Variants in NOS3 observed in about 807,000 individuals in gnomAD.
NOS3 encodes NOS type III.
In NOS3, 98 loss-of-function variants were observed where a neutral mutation model predicts 144.9. That is an observed-to-expected ratio of 0.68 (90% CI 0.57 to 0.80). NOS3 has a LOEUF of 0.80. Among genes scored for constraint, NOS3 ranks in the 30% least tolerant of loss-of-function variants. The pLI is 0.00. For synonymous variants in NOS3, 714 were observed against 702.4 expected, an observed-to-expected ratio of 1.02 and a Z score of -0.26; for missense variants, 1,465 against 1,656.4, an observed-to-expected ratio of 0.88 and a Z score of 2.01.
In NOS3 at chr7:151,003,090, A is replaced by G; in HGVS notation, c.1752+786A>G. 1 of 426,022 alleles carries G rather than the reference A, an allele frequency of 2.3e-6. No homozygotes were observed. Among genetic ancestry groups the G allele is most frequent in the Non-Finnish European group, 4.6e-6 (1 of 215,054 alleles). 26.4% of individuals were successfully genotyped at this position (426,022 alleles called of 1,614,324 possible). A position where few individuals can be genotyped will look rare whatever the true frequency, so the allele number is the denominator to read the frequency against. ...TACCTGCTCCAGCTTCTAGGTGTTA[A>G]AGGCCTTATTAGCACTAAGTACTTC... On this transcript the variant is annotated intron_variant, in intron 14 of 26. Coordinates refer to ENST00000297494, the MANE Select transcript of NOS3 (RefSeq NM_000603.5). This position sits in a 1 kb window ranked among gnomAD's most constrained non-coding sequence, Gnocchi z 4.1.
intron 2 of NOS3, among the ~76,000 whole-genome samples, chr7:150,994,841 A>T (rs915349680): frequency 6.6e-6 from 1 of 152,170 alleles, no homozygotes; most frequent in Non-Finnish European, 1.5e-5. Context: ...GAATCCCTGC[A>T]GGGCTTCCCT....
chr7:151,001,278 C>G lies in NOS3; in HGVS notation c.1281C>G (p.Phe427Leu). The G allele has an allele frequency of 6.2e-7, 1 of 1,613,856 alleles. No homozygotes were observed. The highest frequency in any genetic ancestry group is 1.3e-5 in the African/African-American group (1 of 75,048). The change falls in exon 11 of 27, where the codon TTC becomes TTG. Residue 427 changes from phenylalanine to leucine, a missense_variant. Coordinates refer to ENST00000297494, the MANE Select transcript of NOS3 (RefSeq NM_000603.5). ...ACCACCACGCCGCCACGGCCTCTTT[C>G]ATGAAGCACCTGGAGAATGAGCAGA... is the stretch of plus-strand genomic sequence containing the variant. ...IVDHHAATAS[F>L]MKHLENEQKA... is the part of the protein sequence containing the mutation.
rs777086988 is a variant in NOS3, at chr7:150,999,104, G to A, written c.956+19G>A. The A allele has an allele frequency of 1.2e-6, 2 of 1,612,626 alleles. No individual in the cohort carries two copies. Among genetic ancestry groups the A allele is most frequent in the East Asian group, 4.5e-5 (2 of 44,882 alleles). On this transcript the variant is annotated intron_variant, in intron 8 of 26. Transcript: ENST00000297494. Reference sequence around the variant, plus strand: ...ACCCCACGTGAGCACCAAAGGGATTGACTGGGTGGGATGGAGGGGGCCATC... The same window carrying A: ...ACCCCACGTGAGCACCAAAGGGATTAACTGGGTGGGATGGAGGGGGCCATC...
Position 151,001,906 on chromosome 7 carries a change from C to G in NOS3, c.1588C>G (p.Arg530Gly). The change falls in exon 13 of 27, where the codon CGG (arginine) becomes GGG (glycine). Residue 530 changes from arginine to glycine, a missense_variant. Arg to Gly is a moderately radical substitution (Grantham distance 125, BLOSUM62 -2). Around this residue, in one of 5 missense-constraint regions of NOS3, gnomAD observed 745 missense variants for 853.9 expected, o/e 0.87. Transcript: ENST00000297494. ...ATILYGSETG[R>G]AQSYAQQLGR... ...AATCCTGTATGGCTCCGAGACCGGC[C>G]GGGCCCAGAGCTACGCACAGCAGCT... 1 of 1,613,622 alleles carries G rather than the reference C, an allele frequency of 6.2e-7. No individual in the cohort carries two copies. Among genetic ancestry groups the G allele is most frequent in the Non-Finnish European group, 8.5e-7 (1 of 1,180,014 alleles).
Position 151,013,872 on chromosome 7 carries a change from GCGACA to G in NOS3, c.3405_3409del (p.Asp1136GlyfsTer159). The G allele has an allele frequency of 6.2e-7, 1 of 1,603,016 alleles. No homozygotes were observed. Among genetic ancestry groups the G allele is most frequent in the Non-Finnish European group, 8.5e-7 (1 of 1,175,308 alleles). On this transcript the variant is annotated frameshift_variant, in exon 26 of 27. Transcript: ENST00000297494. LOFTEE classifies it high-confidence loss of function. ...GTGCAGCGCATCCTGGCGACGGAGG[GCGACA>G]TGGAGCTGGACGAGGCCGGCGACGT...
Position 151,000,751 on chromosome 7 carries a change from G to C in NOS3, c.1233+152G>C, listed in dbSNP as rs539597585. On this transcript the variant is annotated intron_variant, in intron 10 of 26. Coordinates refer to ENST00000297494, the MANE Select transcript of NOS3 (RefSeq NM_000603.5). ...AGTCCCAGTGCCATGGCGCACACTGGCCTGCGGTTCGGGGACAGGGCAGGT... is the reference window on the plus strand; with the variant it reads ...AGTCCCAGTGCCATGGCGCACACTGCCCTGCGGTTCGGGGACAGGGCAGGT... 5.2e-5 allele frequency: 33 copies of C among 640,160 alleles called. No individual in the cohort carries two copies. In the African/African-American group the frequency reaches 5.2e-4, roughly 10 times the overall value. 39.7% of individuals were successfully genotyped at this position (640,160 alleles called of 1,614,324 possible).
chr7:150,992,644 C>T (rs1205436421), intron 1 of NOS3, among the ~76,000 whole-genome samples: 1 of 140,676 alleles, frequency 7.1e-6, no homozygotes, highest in Admixed American at 7.0e-5. Context: ...CCAACCTTAT[C>T]CTCCACTGCT....
Position 151,014,149 on chromosome 7 carries a change from T to C in NOS3, c.3592T>C (p.Ser1198Pro). 2 of 1,608,830 alleles carry C rather than the reference T, an allele frequency of 1.2e-6. No homozygotes were observed. The highest frequency in any genetic ancestry group is 1.7e-6 in the Non-Finnish European group (2 of 1,176,748). The change falls in exon 27 of 27, where the codon TCA (serine) becomes CCA (proline). Residue 1198 changes from serine (S) to proline (P), a missense_variant. Ser to Pro is a moderately conservative substitution (Grantham distance 74). Transcript: ENST00000297494. ...GCCCTGGGCGTTCGACCCTCCCGGC[T>C]CAGACACCAACAGCCCCTGAGAGCC... The part of the protein sequence containing the change: ...AVPWAFDPPG[S>P]DTNSP
intron 5 of NOS3, among the ~76,000 whole-genome samples, chr7:150,997,908 G>A (rs1802468737): frequency 6.6e-6 from 1 of 152,144 alleles, no homozygotes; most frequent in Non-Finnish European, 1.5e-5. Flanking sequence ...AGAATGTCAG[G>A]ATGAGCAGGG....
Position 150,998,828 on chromosome 7 carries a change from CA to C in NOS3, c.817-117del, listed in dbSNP as rs1461102152. The C allele has an allele frequency of 6.8e-7, 1 of 1,471,102 alleles. No homozygotes were observed. The highest frequency in any genetic ancestry group is 9.2e-7 in the Non-Finnish European group (1 of 1,090,896). The allele number at this position is 1,471,102 out of a possible 1,614,324, so 91.1% of individuals were successfully genotyped here. On this transcript the variant is annotated intron_variant, in intron 7 of 26. Coordinates refer to ENST00000297494, the MANE Select transcript of NOS3 (RefSeq NM_000603.5). This position sits in a 1 kb window ranked among gnomAD's most constrained non-coding sequence, Gnocchi z 5.0. ...ACCAAAGGAGGGGTGCCTGGGTGGT[CA>C]CGGAGACCCAGCCAATGAGGGACCC...
At chr7:150,995,469 G>A (rs1802357394) in intron 3 of NOS3, among the ~76,000 whole-genome samples, 155 bp downstream of exon 3, 2 of 150,062 alleles carry the variant, frequency 1.3e-5, no homozygotes, top group African/African-American at 4.9e-5. Context: ...AGGAGTTGAG[G>A]GACATGCACG....
intron 23 of NOS3, 28 bp downstream of exon 23, chr7:151,011,014 A>G (rs1020818320): frequency 2.6e-6 from 4 of 1,558,272 alleles, no homozygotes; most frequent in African/African-American, 1.4e-5. Context: ...CTTGGTGGGG[A>G]GCTGCCCAGG....
At position 151,001,413 on chromosome 7, in the gene NOS3, C is replaced by T; in HGVS notation, c.1416C>T (p.Ala472=). Residue 472 remains alanine, a synonymous_variant, in exon 11 of 27, where the codon GCC becomes GCT. Transcript: ENST00000297494. ...QEMVNYFLSP[A]FRYQPDPWKG... Reference sequence around the variant, plus strand: ...TGGTCAACTATTTCCTGTCCCCGGCCTTCCGCTACCAGGTGCCCACCCTAA... The same window carrying T: ...TGGTCAACTATTTCCTGTCCCCGGCTTTCCGCTACCAGGTGCCCACCCTAA... 1 of 1,588,354 alleles carries T rather than the reference C, an allele frequency of 6.3e-7. No homozygotes were observed.
In NOS3 at chr7:150,998,312, C is replaced by T. The variant is rs577311398; in HGVS notation, c.583-45C>T. On this transcript the variant is annotated intron_variant, in intron 5 of 26. Transcript: ENST00000297494. This position sits in a 1 kb window ranked among gnomAD's most constrained non-coding sequence, Gnocchi z 5.0. ...TCTGGAGCTGATACTCAAGACCCCC[C>T]GTCTCTCTCCTCACCCTCCTCTCCC... The T allele has an allele frequency of 3.2e-5, 50 of 1,559,586 alleles. No individual in the cohort carries two copies. Among genetic ancestry groups the T allele is most frequent in the Middle Eastern group, 3.3e-4 (2 of 5,976 alleles).
chr7:151,010,975 C>T lies in NOS3; in HGVS notation c.2973C>T (p.Cys991=). 6.2e-7 allele frequency: 1 copy of T among 1,613,042 alleles called. No individual in the cohort carries two copies. Among genetic ancestry groups the T allele is most frequent in the Non-Finnish European group, 8.5e-7 (1 of 1,179,314 alleles). ...SQLKPGDPVP[C]FIRGAPSFRL... Reference sequence around the variant, plus strand: ...TCAAGCCCGGAGACCCTGTGCCCTGCTTCATCCGGGGGTAAGTGAGATGGA... The same window carrying T: ...TCAAGCCCGGAGACCCTGTGCCCTGTTTCATCCGGGGGTAAGTGAGATGGA... Residue 991 remains cysteine (C), a synonymous_variant, in exon 23 of 27, where the codon TGC becomes TGT. Coordinates refer to ENST00000297494, the MANE Select transcript of NOS3 (RefSeq NM_000603.5).
Position 150,993,706 on chromosome 7 carries a change from G to A in NOS3, c.-51-47G>A. On this transcript the variant is annotated intron_variant, in intron 1 of 26. Transcript: ENST00000297494. This position sits in a 1 kb window ranked among gnomAD's most constrained non-coding sequence, Gnocchi z 4.0. Reference sequence around the variant, plus strand: ...GCGGGGCGAGGGCCAGCACTGGAGAGCCCCCTCCCACTGCCCCCTCCTCTC... The same window carrying A: ...GCGGGGCGAGGGCCAGCACTGGAGAACCCCCTCCCACTGCCCCCTCCTCTC... 1 of 1,266,020 alleles carries A rather than the reference G, an allele frequency of 7.9e-7. No individual in the cohort carries two copies. The highest frequency in any genetic ancestry group is 1.1e-6 in the Non-Finnish European group (1 of 920,278). 78.4% of individuals were successfully genotyped at this position (1,266,020 alleles called of 1,614,324 possible). A position where few individuals can be genotyped will look rare whatever the true frequency, so the allele number is the denominator to read the frequency against.
At position 151,010,205 on chromosome 7, in the gene NOS3, C is replaced by G; in HGVS notation, c.2603C>G (p.Pro868Arg). Reference protein sequence around the residue: ...ALTFFLDITSPPSPQLLRLLS... With the variant: ...ALTFFLDITSRPSPQLLRLLS... Reference sequence around the variant, plus strand: ...ACCTTCTTCCTGGACATCACCTCCCCACCCAGCCCTCAGCTCTTGCGGCTG... The same window carrying G: ...ACCTTCTTCCTGGACATCACCTCCCGACCCAGCCCTCAGCTCTTGCGGCTG... Residue 868 changes from proline to arginine, a missense_variant, in exon 21 of 27, where the codon CCA becomes CGA. Coordinates refer to ENST00000297494, the MANE Select transcript of NOS3 (RefSeq NM_000603.5). 1 of 1,612,532 alleles carries G rather than the reference C, an allele frequency of 6.2e-7. No homozygotes were observed. The highest frequency in any genetic ancestry group is 2.2e-5 in the East Asian group (1 of 44,884).
Position 151,007,250 on chromosome 7 carries a change from C to A in NOS3, c.2086C>A (p.Arg696=). 6.2e-7 allele frequency: 1 copy of A among 1,603,980 alleles called. No individual in the cohort carries two copies. The highest frequency in any genetic ancestry group is 8.5e-7 in the Non-Finnish European group (1 of 1,178,324). The change falls in exon 17 of 27, where the codon CGA becomes AGA. Residue 696 remains arginine, a synonymous_variant. Coordinates refer to ENST00000297494, the MANE Select transcript of NOS3 (RefSeq NM_000603.5). ...GCTGTGCGGCCAGGAGGAGGCCTTC[C>A]GAGGCTGGGCCCAGGCTGCCTTCCA... is the stretch of plus-strand genomic sequence containing the variant. The part of the protein sequence containing the change: ...DELCGQEEAF[R]GWAQAAFQAA...
Position 151,009,265 on chromosome 7 carries a change from C to T in NOS3, c.2322C>T (p.Ser774=). ...TGGAAAACCTGCAAAGCAGCAAGTC[C>T]ACGTGAGGACGACGGCTTTACCGCC... is the stretch of plus-strand genomic sequence containing the variant. The part of the protein sequence containing the change: ...RSVENLQSSK[S]TRATILVRLD... Residue 774 remains serine (S), a splice_region_variant and synonymous_variant, in exon 19 of 27, where the codon TCC becomes TCT. Coordinates refer to ENST00000297494, the MANE Select transcript of NOS3 (RefSeq NM_000603.5). 2 of 1,612,360 alleles carry T rather than the reference C, an allele frequency of 1.2e-6. No individual in the cohort carries two copies. Among genetic ancestry groups the T allele is most frequent in the East Asian group, 4.5e-5 (2 of 44,808 alleles).
Sources: allele counts gnomAD v4.1 joint callset (sites outside exome capture counted in the v4.1 genomes callset), GRCh38; gene constraint gnomAD v4.1.1; regional missense constraint gnomAD v4.1.1; non-coding constraint Gnocchi (gnomAD v3.1); transcripts MANE v1.5; gene names NCBI Gene and HGNC (gene_info 2026-07-23, HGNC 2026-07-21).